Variants in DLG2 observed in about 807,000 individuals in gnomAD.
DLG2 encodes discs large MAGUK scaffold protein 2.
DLG2 carries 45 observed loss-of-function variants against 132.5 expected under a neutral mutation model. The ratio of observed to expected loss-of-function variants is 0.34; its 90% CI spans 0.27 to 0.44. The LOEUF (loss-of-function observed/expected upper bound fraction) is 0.44. Among genes scored for constraint, DLG2 ranks in the 20% least tolerant of loss-of-function variants. The probability of loss-of-function intolerance (pLI) is 1.00; values close to 1 mark genes in which losing one functional copy is unlikely to be tolerated. For synonymous variants in DLG2, 424 were observed against 419.6 expected, an observed-to-expected ratio of 1.01 and a Z score of -0.13; for missense variants, 1,045 against 1,196.9, an observed-to-expected ratio of 0.87 and a Z score of 1.87.
chr11:84,069,508 G>C (rs1726720706), intron 10 of DLG2, among the ~76,000 whole-genome samples: 1 of 152,082 alleles, frequency 6.6e-6, no homozygotes, highest in African/African-American at 2.4e-5. Context: ...CCTTCCTTCA[G>C]CTAAGACCAA....
chr11:84,219,737 A>T (rs1411748633), intron 8 of DLG2, among the ~76,000 whole-genome samples: 2 of 152,190 alleles, frequency 1.3e-5, no homozygotes, highest in African/African-American at 4.8e-5. Context: ...GTGCGCCTGC[A>T]CAGAATACTC....
chr11:83,846,771 T>C (rs1217876326), intron 16 of DLG2, among the ~76,000 whole-genome samples: 1 of 152,168 alleles, frequency 6.6e-6, no homozygotes, highest in Admixed American at 6.5e-5. Context: ...TAAAAATATT[T>C]GGAGTACTTT....
intron 19 of DLG2, among the ~76,000 whole-genome samples, chr11:83,605,171 T>C (rs2059165315): frequency 6.6e-6 from 1 of 152,228 alleles, no homozygotes; most frequent in Non-Finnish European, 1.5e-5. Context: ...TTCCCATTTC[T>C]GCTTTCTTGA....
At chr11:84,747,605 T>C (rs2065544532) in intron 6 of DLG2, among the ~76,000 whole-genome samples, 3 of 152,198 alleles carry the variant, frequency 2.0e-5, no homozygotes, top group African/African-American at 7.2e-5. Flanking sequence ...TGACATAATA[T>C]GAAAATACTT....
chr11:85,163,224 GACACAC>G (rs112583126), intron 4 of DLG2, among the ~76,000 whole-genome samples: 283 of 135,214 alleles, frequency 2.1e-3, no homozygotes, highest in Middle Eastern at 7.8e-3. Flanking sequence ...CACACACACA[GACACAC>G]ACACACACAC....
chr11:83,620,828 C>T (rs1439109491), intron 19 of DLG2, among the ~76,000 whole-genome samples: 2 of 134,834 alleles, frequency 1.5e-5, no homozygotes, highest in African/African-American at 5.7e-5. Context: ...CGAGATCCCG[C>T]CACTGCACTC....
intron 7 of DLG2, among the ~76,000 whole-genome samples, chr11:84,510,193 G>C (rs2099253468): frequency 6.6e-6 from 1 of 151,474 alleles, no homozygotes; most frequent in Admixed American, 6.6e-5. Flanking sequence ...GAAGTCAAAA[G>C]AAGTATTAGT....
At chr11:85,233,880 A>G (rs1207266246) in intron 4 of DLG2, among the ~76,000 whole-genome samples, 1 of 151,872 alleles carries the variant, frequency 6.6e-6, no homozygotes, top group Admixed American at 6.6e-5. Flanking sequence ...TCAGTATGCC[A>G]TCTTAAACTT....
intron 6 of DLG2, among the ~76,000 whole-genome samples, chr11:84,746,581 A>G (rs2065395868): frequency 1.3e-5 from 2 of 152,214 alleles, no homozygotes; most frequent in South Asian, 4.1e-4. Context: ...GCTAATGAAA[A>G]GAATGAGAGA....
chr11:85,474,014 T>G (rs927293082), intron 3 of DLG2, among the ~76,000 whole-genome samples: 1 of 151,998 alleles, frequency 6.6e-6, no homozygotes, highest in Non-Finnish European at 1.5e-5. Context: ...AACAACTACT[T>G]AAAATATAGA....
intron 7 of DLG2, among the ~76,000 whole-genome samples, chr11:84,515,911 A>G (rs1248751369): frequency 6.6e-6 from 1 of 151,906 alleles, no homozygotes; most frequent in East Asian, 1.9e-4. Context: ...ATGGAATGAA[A>G]CTAGAAATCA....
chr11:85,336,106 A>G (rs1157418706), intron 3 of DLG2: 2 of 152,408 alleles, frequency 1.3e-5, no homozygotes, highest in Non-Finnish European at 2.9e-5. Flanking sequence ...TCCATGGTGT[A>G]CCCATATTTT....
intron 8 of DLG2, among the ~76,000 whole-genome samples, chr11:84,227,814 T>A (rs2097025358): frequency 6.7e-6 from 1 of 149,860 alleles, no homozygotes; most frequent in African/African-American, 2.5e-5. Context: ...CTCAGGAGGC[T>A]GAGGCAGGAG....
At chr11:84,062,502 A>T (rs12575314) in intron 10 of DLG2, among the ~76,000 whole-genome samples, 123,198 of 152,112 alleles carry the variant, frequency 0.81, 50,725 homozygotes, top group Middle Eastern at 0.93. Flanking sequence ...TGTGAACAGA[A>T]TGGAAATTTA....
At chr11:84,818,958 A>G (rs1394713740) in intron 6 of DLG2, among the ~76,000 whole-genome samples, 1 of 151,622 alleles carries the variant, frequency 6.6e-6, no homozygotes, top group South Asian at 2.1e-4. Context: ...GAGATCAGCC[A>G]TCTGTTTCAC....
intron 6 of DLG2, among the ~76,000 whole-genome samples, chr11:85,093,926 C>G (rs1236894231): frequency 6.6e-6 from 1 of 152,200 alleles, no homozygotes; most frequent in African/African-American, 2.4e-5. Context: ...TCAAACCATA[C>G]TTAATTTCCA....
chr11:84,260,033 C>T (rs1262578895), intron 7 of DLG2, among the ~76,000 whole-genome samples: 1 of 96,184 alleles, frequency 1.0e-5, no homozygotes, highest in Non-Finnish European at 2.7e-5. Context: ...GAGTTACCAT[C>T]TCTGTTTGAT....
intron 6 of DLG2, among the ~76,000 whole-genome samples, chr11:84,597,908 G>T (rs2154531703): frequency 6.6e-6 from 1 of 152,244 alleles, no homozygotes; most frequent in East Asian, 1.9e-4. Flanking sequence ...CAAATTACAG[G>T]AACAAGGACA....
At chr11:85,398,165 C>A (rs2152958009) in intron 3 of DLG2, among the ~76,000 whole-genome samples, 1 of 152,262 alleles carries the variant, frequency 6.6e-6, no homozygotes, top group East Asian at 1.9e-4. Context: ...GAACAACTTG[C>A]TCCTGAATGA....
Sources: allele counts gnomAD v4.1 joint callset (sites outside exome capture counted in the v4.1 genomes callset), GRCh38; gene constraint gnomAD v4.1.1; transcripts MANE v1.5; gene names NCBI Gene and HGNC (gene_info 2026-07-23, HGNC 2026-07-21).